The following CCDC12 variants were observed in gnomAD, a reference collection of about 807,000 sequenced individuals.
CCDC12 encodes the protein coiled-coil domain-containing protein 12.
CCDC12 carries 28 observed loss-of-function variants against 25.7 expected under a neutral mutation model. The observed-to-expected ratio is 1.09, with a 90% confidence interval of 0.81 to 1.50. The LOEUF is 1.50. Among genes scored for constraint, CCDC12 ranks in the 40% most tolerant of loss-of-function variants. The pLI is 0.00. For missense variants in CCDC12, 198 were observed against 210.0 expected, an observed-to-expected ratio of 0.94 and a Z score of 0.35; for synonymous variants, 75 against 87.7, an observed-to-expected ratio of 0.86 and a Z score of 0.81.
At chr3:46,938,151 A>G (rs1299569434) in intron 2 of CCDC12, among the ~76,000 whole-genome samples, 2 of 151,832 alleles carry the variant, frequency 1.3e-5, no homozygotes, top group Non-Finnish European at 2.9e-5. Flanking sequence ...CTGAAGCAGA[A>G]CCCAATTCAA....
chr3:46,967,942 A>G (rs1434162590), intron 1 of CCDC12, among the ~76,000 whole-genome samples: 1 of 152,206 alleles, frequency 6.6e-6, no homozygotes, highest in Non-Finnish European at 1.5e-5. Flanking sequence ...CAAGACCACA[A>G]TAGGTCTGAG....
At chr3:46,981,225 A>C (rs889353505), upstream of CCDC12, among the ~76,000 whole-genome samples, 1 of 152,148 alleles carries the variant, frequency 6.6e-6, no homozygotes, top group African/African-American at 2.4e-5. Flanking sequence ...CGGGCAGATC[A>C]CAAGGTCAGG....
At chr3:46,971,803 C>T (rs1559567536) in intron 1 of CCDC12, among the ~76,000 whole-genome samples, 1 of 152,188 alleles carries the variant, frequency 6.6e-6, no homozygotes, top group Non-Finnish European at 1.5e-5. Flanking sequence ...CCTCATGGGG[C>T]AGACAGGTGC....
At chr3:46,980,347 G>GGT (rs1238737316), upstream of CCDC12, among the ~76,000 whole-genome samples, 4 of 152,102 alleles carry the variant, frequency 2.6e-5, no homozygotes, top group Non-Finnish European at 5.9e-5. Flanking sequence ...GGCCTGATTG[G>GGT]GTGGTCGTGG....
At chr3:46,952,342 C>T (rs572487224) in intron 1 of CCDC12, among the ~76,000 whole-genome samples, 1 of 152,330 alleles carries the variant, frequency 6.6e-6, no homozygotes, top group Admixed American at 6.5e-5. Context: ...TGAGGCTGGA[C>T]CAGGTCTGTG....
chr3:46,931,924 C>CA (rs1446088474), intron 2 of CCDC12, among the ~76,000 whole-genome samples: 5 of 152,222 alleles, frequency 3.3e-5, no homozygotes, highest in Non-Finnish European at 5.9e-5. Flanking sequence ...TCATGACACT[C>CA]AGACATGCCC....
intron 1 of CCDC12, among the ~76,000 whole-genome samples, chr3:46,968,106 G>A (rs1246618299): frequency 6.6e-6 from 1 of 152,108 alleles, no homozygotes; most frequent in African/African-American, 2.4e-5. Flanking sequence ...GGTATGTGTT[G>A]GGAACCCCAA....
chr3:46,948,124 C>T (rs747330008), intron 1 of CCDC12, among the ~76,000 whole-genome samples: 1 of 152,200 alleles, frequency 6.6e-6, no homozygotes, highest in Non-Finnish European at 1.5e-5. Context: ...GCAGACAGGG[C>T]AGTGTTGTAA....
chr3:46,942,694 G>GC (rs927908661), intron 1 of CCDC12, among the ~76,000 whole-genome samples: 6 of 152,160 alleles, frequency 3.9e-5, no homozygotes, highest in African/African-American at 1.4e-4. Context: ...AGATCAACAT[G>GC]CCCCCCACCC....
At chr3:46,960,291 C>T (rs967494208) in intron 1 of CCDC12, among the ~76,000 whole-genome samples, 4 of 152,172 alleles carry the variant, frequency 2.6e-5, no homozygotes, top group Non-Finnish European at 5.9e-5. Context: ...ACTCCTCACC[C>T]CAGACACAGC....
At chr3:46,960,065 C>G (rs2034417482) in intron 1 of CCDC12, among the ~76,000 whole-genome samples, 2 of 152,122 alleles carry the variant, frequency 1.3e-5, no homozygotes, top group African/African-American at 4.8e-5. Context: ...TGTCCATGCC[C>G]TCCCTCCAAG....
At chr3:46,977,067 G>A (rs1376180003), upstream of CCDC12, 2 of 368,890 alleles carry the variant, frequency 5.4e-6, no homozygotes, top group Admixed American at 4.3e-5. Flanking sequence ...AGAGTGCGTC[G>A]ATCGCTCCGG....
At chr3:46,925,322 G>T in intron 3 of CCDC12, 134 bp downstream of exon 3, 1 of 769,224 alleles carries the variant, frequency 1.3e-6, no homozygotes. Flanking sequence ...CCATGAGATG[G>T]TAACAAAGGG....
At chr3:46,932,650 G>A (rs2033276787) in intron 2 of CCDC12, among the ~76,000 whole-genome samples, 1 of 152,228 alleles carries the variant, frequency 6.6e-6, no homozygotes, top group Non-Finnish European at 1.5e-5. Flanking sequence ...CCATGGGCAG[G>A]ACAGGGCCAC....
intron 3 of CCDC12, 45 bp downstream of exon 3, chr3:46,925,411 C>T (rs774246078): frequency 2.5e-5 from 39 of 1,536,844 alleles, no homozygotes; most frequent in Non-Finnish European, 3.4e-5. Flanking sequence ...TGGAGGGTGG[C>T]TGACAGTGCC....
intron 1 of CCDC12, chr3:46,976,396 G>T (rs1206169178): frequency 1.4e-6 from 2 of 1,399,428 alleles, no homozygotes; most frequent in Admixed American, 3.0e-5. Context: ...ACTGCGGGTC[G>T]CTGACCACTG....
intron 1 of CCDC12, among the ~76,000 whole-genome samples, chr3:46,945,866 C>A (rs1020331836): frequency 3.9e-5 from 6 of 152,170 alleles, no homozygotes; most frequent in Non-Finnish European, 8.8e-5. Context: ...TAATTTGTGT[C>A]ATTTTTCTTT....
At chr3:46,925,619 G>T in intron 2 of CCDC12, 84 bp from the exon 3 acceptor site, 1 of 1,136,008 alleles carries the variant, frequency 8.8e-7, no homozygotes, top group Non-Finnish European at 1.2e-6. Context: ...TGCATAGCCC[G>T]TGAATTCCTG....
At chr3:46,960,918 A>G (rs1240677284) in intron 1 of CCDC12, among the ~76,000 whole-genome samples, 1 of 149,936 alleles carries the variant, frequency 6.7e-6, no homozygotes. Context: ...TGAGATATGT[A>G]TTGGTGTAAA....
Sources: gnomAD v4.1 joint callset for allele counts (sites outside exome capture counted in the v4.1 genomes callset) on GRCh38, gnomAD v4.1.1 for gene constraint, MANE v1.5 for transcripts, NCBI Gene and HGNC (gene_info 2026-07-23, HGNC 2026-07-21) for gene names.